Variants in ZPBP observed in about 807,000 individuals in gnomAD.
ZPBP encodes the protein zona pellucida binding protein, also known as zona pellucida-binding protein 1.
ZPBP carries 26 observed loss-of-function variants against 44.8 expected under a neutral mutation model. The ratio of observed to expected loss-of-function variants is 0.58; its 90% CI spans 0.43 to 0.81. ZPBP has a LOEUF of 0.81. ZPBP is among the 30% of genes least tolerant of loss of function. The pLI, the probability that ZPBP is intolerant of heterozygous loss-of-function variation, is 0.00. For missense variants in ZPBP, 409 were observed against 434.0 expected, an observed-to-expected ratio of 0.94 and a Z score of 0.51; for synonymous variants, 174 against 153.2, an observed-to-expected ratio of 1.14 and a Z score of -1.00.
intron 6 of ZPBP, among the ~76,000 whole-genome samples, chr7:49,996,434 T>C (rs1461158780): frequency 6.6e-6 from 1 of 152,206 alleles, no homozygotes; most frequent in African/African-American, 2.4e-5. Flanking sequence ...TTTTGAGTCT[T>C]GGAATCAATG....
chr7:50,020,753 G>T (rs1799058275), intron 5 of ZPBP, among the ~76,000 whole-genome samples: 1 of 151,996 alleles, frequency 6.6e-6, no homozygotes, highest in African/African-American at 2.4e-5. Flanking sequence ...AAAAAATGAA[G>T]AAAAATGGTC....
chr7:50,061,234 TC>T (rs1801220531), intron 3 of ZPBP, among the ~76,000 whole-genome samples: 1 of 152,110 alleles, frequency 6.6e-6, no homozygotes, highest in Non-Finnish European at 1.5e-5. Flanking sequence ...TAGAGGCATT[TC>T]CCCTTGAGAA....
intron 2 of ZPBP, among the ~76,000 whole-genome samples, chr7:49,856,924 G>A (rs1389397855): frequency 2.1e-5 from 3 of 145,752 alleles, no homozygotes; most frequent in East Asian, 4.5e-4. Flanking sequence ...CAGGAGAATG[G>A]TGTGAACCTG....
chr7:49,911,437 G>A (rs1180296512), intron 1 of ZPBP, among the ~76,000 whole-genome samples: 3 of 136,422 alleles, frequency 2.2e-5, no homozygotes, highest in Admixed American at 8.0e-5. Context: ...AGCCGAGATC[G>A]TGCCACTGCA....
At chr7:50,031,630 A>G (rs866030815) in intron 4 of ZPBP, among the ~76,000 whole-genome samples, 30 of 152,282 alleles carry the variant, frequency 2.0e-4, no homozygotes, top group Non-Finnish European at 2.9e-4. Context: ...ATTCTAACTT[A>G]CCGAGCCTGG....
intron 5 of ZPBP, among the ~76,000 whole-genome samples, chr7:50,023,019 T>C (rs1336791818): frequency 6.6e-6 from 1 of 151,860 alleles, no homozygotes; most frequent in African/African-American, 2.4e-5. Context: ...TTCTAGCAAA[T>C]GGAAGGAGAA....
At chr7:49,983,668 A>C (rs2128782305) in intron 6 of ZPBP, 149 bp from the exon 7 acceptor site, 1 of 567,166 alleles carries the variant, frequency 1.8e-6, no homozygotes, top group South Asian at 2.3e-5. Flanking sequence ...AATAAAACAC[A>C]CAAAACTGAA....
chr7:50,020,570 C>A (rs1214312138), intron 5 of ZPBP, among the ~76,000 whole-genome samples: 1 of 152,060 alleles, frequency 6.6e-6, no homozygotes, highest in African/African-American at 2.4e-5. Context: ...CTAAGCTTCT[C>A]GCACATCCCC....
intron 1 of ZPBP, among the ~76,000 whole-genome samples, chr7:49,923,061 C>A (rs984900691): frequency 5.3e-5 from 8 of 152,136 alleles, no homozygotes; most frequent in Non-Finnish European, 2.9e-5. Context: ...AAGAGTGAAT[C>A]TGAAGACAGA....
intron 5 of ZPBP, among the ~76,000 whole-genome samples, chr7:50,027,389 T>C (rs1252570332): frequency 2.0e-5 from 3 of 151,758 alleles, no homozygotes; most frequent in African/African-American, 7.3e-5. Flanking sequence ...GTCAAAAAAA[T>C]TATAAGGGAA....
intron 2 of ZPBP, among the ~76,000 whole-genome samples, chr7:49,893,973 A>C (rs1792256041): frequency 1.3e-5 from 2 of 152,156 alleles, no homozygotes; most frequent in Admixed American, 6.5e-5. Context: ...CTGGGCTCTC[A>C]CTGCTTGGAG....
At chr7:49,967,456 G>A (rs1316745076) in intron 7 of ZPBP, among the ~76,000 whole-genome samples, 5 of 152,120 alleles carry the variant, frequency 3.3e-5, no homozygotes, top group African/African-American at 1.2e-4. Context: ...CCTAGATAAT[G>A]ATAATTTGGG....
At chr7:50,079,711 CCA>C (rs1300295362) in intron 3 of ZPBP, among the ~76,000 whole-genome samples, 1 of 151,474 alleles carries the variant, frequency 6.6e-6, no homozygotes, top group African/African-American at 2.4e-5. Context: ...AATGTTCTCA[CCA>C]CACACACACA....
intron 2 of ZPBP, among the ~76,000 whole-genome samples, chr7:49,871,445 T>C (rs936521868): frequency 6.6e-6 from 1 of 152,220 alleles, no homozygotes; most frequent in Non-Finnish European, 1.5e-5. Context: ...TAAAATATAC[T>C]GTATACATTC....
chr7:49,967,429 A>G (rs1796106956), intron 7 of ZPBP, among the ~76,000 whole-genome samples: 1 of 152,200 alleles, frequency 6.6e-6, no homozygotes, highest in Admixed American at 6.5e-5. Context: ...AGTCTCATCC[A>G]TACAAGACTG....
intron 2 of ZPBP, among the ~76,000 whole-genome samples, chr7:49,892,419 A>G (rs577787279): frequency 6.6e-6 from 1 of 152,324 alleles, no homozygotes; most frequent in African/African-American, 2.4e-5. Context: ...CGACAATGTG[A>G]ATAAATCTTA....
intron 2 of ZPBP, 33 bp from the exon 3 acceptor site, chr7:50,081,932 T>C (rs371561765): frequency 6.2e-7 from 1 of 1,604,706 alleles, no homozygotes; most frequent in African/African-American, 1.3e-5. Context: ...GTTCCAATAG[T>C]ATTTTATCTT....
chr7:49,888,965 C>T (rs914304920), intron 2 of ZPBP, among the ~76,000 whole-genome samples: 3 of 152,008 alleles, frequency 2.0e-5, no homozygotes, highest in South Asian at 4.1e-4. Context: ...CCTCAGCAGA[C>T]ATATGGAGGA....
intron 2 of ZPBP, among the ~76,000 whole-genome samples, chr7:50,089,290 G>C (rs1373298640): frequency 1.3e-5 from 2 of 151,978 alleles, no homozygotes; most frequent in Non-Finnish European, 2.9e-5. Flanking sequence ...TGTGACTACT[G>C]CAAATCTTTG....
Sources: allele counts gnomAD v4.1 joint callset (sites outside exome capture counted in the v4.1 genomes callset), GRCh38; gene constraint gnomAD v4.1.1; transcripts MANE v1.5; gene names NCBI Gene and HGNC (gene_info 2026-07-23, HGNC 2026-07-21).